OPCML: variants seen among roughly 807,000 people sequenced by gnomAD.
OPCML encodes the protein opioid binding protein/cell adhesion molecule like.
OPCML carries 13 observed loss-of-function variants against 37.8 expected under a neutral mutation model. That is an observed-to-expected ratio of 0.34 (90% confidence interval 0.22 to 0.55). The LOEUF (loss-of-function observed/expected upper bound fraction) is 0.55. OPCML is among the 20% of genes least tolerant of loss of function. The pLI is 0.91. For synonymous variants in OPCML, 176 were observed against 168.8 expected (o/e 1.04, Z -0.33); for missense variants, 341 against 435.6 (o/e 0.78, Z 1.93).
At chr11:132,527,997 G>A (rs2096313222) in intron 4 of OPCML, among the ~76,000 whole-genome samples, 1 of 152,082 alleles carries the variant, frequency 6.6e-6, no homozygotes, top group Non-Finnish European at 1.5e-5. Flanking sequence ...GGAAAGACGT[G>A]GAATGGATTC....
At chr11:133,075,476 T>C (rs906023123) in intron 1 of OPCML, among the ~76,000 whole-genome samples, 2 of 152,114 alleles carry the variant, frequency 1.3e-5, no homozygotes, top group Non-Finnish European at 2.9e-5. Context: ...GGATGAGCGG[T>C]GGGGACGCTG....
rs1565660282 is a variant in OPCML, at chr11:133,484,164, G to GATAGA, written c.61+48099_61+48100insTCTAT. On this transcript the variant is annotated intron_variant, in intron 1 of 7. Transcript: ENST00000524381. Reference sequence around the variant, plus strand: ...GATAGATGGATAGATAGATAGATAGGTAGATAGATAGATAGATAGATAGAT... The same window carrying GATAGA: ...GATAGATGGATAGATAGATAGATAGGATAGATAGATAGATAGATAGATAGATAGAT... Among the ~76,000 whole-genome samples the GATAGA allele has an allele frequency of 4.8e-3, 668 of 138,328 alleles. 10 individuals carry two copies. Among genetic ancestry groups the GATAGA allele is most frequent in the African/African-American group, 7.7e-3 (268 of 34,908 alleles). 90.7% of individuals were successfully genotyped at this position (138,328 alleles called of 152,430 possible).
rs145058040 is a variant in OPCML at position 132,744,903 on chromosome 11, C to G, written c.147-87584G>C. 7.2e-3 allele frequency among the ~76,000 whole-genome samples: 1,102 copies of G among 152,180 alleles called. 4 individuals are homozygous for G. Among genetic ancestry groups the G allele is most frequent in the African/African-American group, 0.013 (553 of 41,546 alleles). The stretch of plus-strand genomic sequence containing the variant: ...TCACGAGCAAGCTCGAGGAAGTGAA[C>G]GAGCTCCTAAATATTCGGGATATGG... On this transcript the variant is annotated intron_variant, in intron 2 of 7. Coordinates refer to ENST00000524381, the MANE Select transcript of OPCML (RefSeq NM_001012393.5).
intron 1 of OPCML, among the ~76,000 whole-genome samples, chr11:133,251,373 C>T (rs1941128247): frequency 1.3e-5 from 2 of 151,980 alleles, no homozygotes; most frequent in African/African-American, 2.4e-5. Flanking sequence ...GAAATGGAGC[C>T]AATCGTGTAG....
intron 2 of OPCML, among the ~76,000 whole-genome samples, chr11:132,867,724 C>T (rs912400497): frequency 2.0e-5 from 3 of 152,218 alleles, no homozygotes; most frequent in African/African-American, 7.2e-5. Context: ...TTGCCCTTAA[C>T]TTTCCATTCC....
intron 3 of OPCML, among the ~76,000 whole-genome samples, chr11:132,601,384 T>A (rs1937878823): frequency 6.6e-6 from 1 of 152,170 alleles, no homozygotes; most frequent in Admixed American, 6.6e-5. Context: ...GTATCTCAGA[T>A]TCTTTAGAAC....
intron 1 of OPCML, among the ~76,000 whole-genome samples, chr11:133,247,943 C>T (rs148813561): frequency 1.4e-4 from 21 of 152,248 alleles, no homozygotes; most frequent in Admixed American, 5.2e-4. Flanking sequence ...GGAATAGTTG[C>T]TAACATTAAT....
chr11:133,084,283 C>T (rs1262720992), intron 1 of OPCML, among the ~76,000 whole-genome samples: 4 of 152,296 alleles, frequency 2.6e-5, no homozygotes, highest in Non-Finnish European at 5.9e-5. Flanking sequence ...TGCACAGGGC[C>T]TTGCACACCC....
At chr11:132,741,200 A>T (rs2136038649) in intron 2 of OPCML, among the ~76,000 whole-genome samples, 1 of 152,286 alleles carries the variant, frequency 6.6e-6, no homozygotes, top group South Asian at 2.1e-4. Flanking sequence ...TCTCAAATTG[A>T]GGTGAGCACT....
At chr11:133,334,398 G>C (rs945109650) in intron 1 of OPCML, among the ~76,000 whole-genome samples, 1 of 152,154 alleles carries the variant, frequency 6.6e-6, no homozygotes, top group Non-Finnish European at 1.5e-5. Context: ...CTCAGGAACA[G>C]AAAATCAAAT....
chr11:132,893,033 C>T (rs1458894195), intron 2 of OPCML, among the ~76,000 whole-genome samples: 1 of 152,172 alleles, frequency 6.6e-6, no homozygotes, highest in Non-Finnish European at 1.5e-5. Flanking sequence ...TTCTCACTCA[C>T]ATTTCACCCC....
At chr11:133,316,948 A>C (rs963889646) in intron 1 of OPCML, among the ~76,000 whole-genome samples, 6 of 152,242 alleles carry the variant, frequency 3.9e-5, no homozygotes, top group African/African-American at 1.4e-4. Context: ...CTGTAATCCC[A>C]GCACTTTGGG....
At chr11:132,686,193 G>C (rs1010862064) in intron 2 of OPCML, among the ~76,000 whole-genome samples, 3 of 152,182 alleles carry the variant, frequency 2.0e-5, no homozygotes, top group Non-Finnish European at 4.4e-5. Context: ...GATGTGTGCA[G>C]ATCATCAATT....
chr11:132,511,045 G>C (rs1023039602), intron 4 of OPCML, among the ~76,000 whole-genome samples: 6 of 152,064 alleles, frequency 3.9e-5, no homozygotes, highest in African/African-American at 1.4e-4. Context: ...TCTCCTCATA[G>C]AGGACATATC....
intron 1 of OPCML, among the ~76,000 whole-genome samples, chr11:133,473,142 C>A (rs1947154367): frequency 6.6e-6 from 1 of 152,094 alleles, no homozygotes; most frequent in Non-Finnish European, 1.5e-5. Flanking sequence ...ACTTACTTAC[C>A]TAGACTACTT....
chr11:132,811,618 A>T (rs930853314), intron 2 of OPCML, among the ~76,000 whole-genome samples: 3 of 152,206 alleles, frequency 2.0e-5, no homozygotes, highest in Admixed American at 2.0e-4. Flanking sequence ...TCCATATCGG[A>T]GTGAGAACAG....
intron 2 of OPCML, among the ~76,000 whole-genome samples, chr11:132,820,848 C>T (rs748893095): frequency 7.2e-5 from 11 of 152,250 alleles, no homozygotes; most frequent in Admixed American, 3.9e-4. Context: ...TTTCTTTCCC[C>T]GCACCTCCTC....
At chr11:133,079,072 G>A (rs1948669208) in intron 1 of OPCML, among the ~76,000 whole-genome samples, 1 of 151,940 alleles carries the variant, frequency 6.6e-6, no homozygotes, top group Non-Finnish European at 1.5e-5. Flanking sequence ...CCCAGTTCCT[G>A]CCGTGTCTCA....
chr11:132,426,763 T>C (rs996152176), intron 7 of OPCML, among the ~76,000 whole-genome samples: 50 of 152,270 alleles, frequency 3.3e-4, no homozygotes, highest in Non-Finnish European at 2.6e-4. Context: ...GAAAATTTGG[T>C]TGAAGGCTTA....
Sources: gnomAD v4.1 joint callset for allele counts (sites outside exome capture counted in the v4.1 genomes callset) on GRCh38, gnomAD v4.1.1 for gene constraint, MANE v1.5 for transcripts, NCBI Gene and HGNC (gene_info 2026-07-23, HGNC 2026-07-21) for gene names.